Variants in ADAM23 observed in about 807,000 individuals in gnomAD.
ADAM23 encodes the protein disintegrin and metalloproteinase domain-containing protein 23.
A neutral mutation model predicts 120.1 loss-of-function variants in ADAM23; 33 were observed. The ratio of observed to expected loss-of-function variants is 0.27; its 90% confidence interval spans 0.21 to 0.37. The LOEUF is 0.37. Ranked by LOEUF, ADAM23 falls within the 10% of genes least tolerant of loss-of-function variation. The pLI, the probability that ADAM23 is intolerant of heterozygous loss-of-function variation, is 1.00. For missense variants in ADAM23, 862 were observed against 1,058.2 expected (o/e 0.81, Z 2.57); for synonymous variants, 367 against 375.2 (o/e 0.98, Z 0.25).
chr2:206,592,873 C>T, intron 22 of ADAM23, 137 bp downstream of exon 22: 2 of 1,100,576 alleles, frequency 1.8e-6, no homozygotes, highest in African/African-American at 1.6e-5. Flanking sequence ...TTATTATCAC[C>T]TTTCATATTG....
At chr2:206,501,219 C>G (rs771905959) in intron 3 of ADAM23, among the ~76,000 whole-genome samples, 4 of 152,122 alleles carry the variant, frequency 2.6e-5, no homozygotes, top group Non-Finnish European at 5.9e-5. Flanking sequence ...GTCCTGCAAT[C>G]TAACTCCCTA....
chr2:206,520,984 A>G (rs1301443804), intron 3 of ADAM23, among the ~76,000 whole-genome samples: 1 of 151,938 alleles, frequency 6.6e-6, no homozygotes, highest in Admixed American at 6.6e-5. Flanking sequence ...GGATTTGTAC[A>G]CAGTGGTCCC....
At chr2:206,558,195 AT>A (rs1456540051) in intron 10 of ADAM23, among the ~76,000 whole-genome samples, 1 of 152,200 alleles carries the variant, frequency 6.6e-6, no homozygotes, top group African/African-American at 2.4e-5. Context: ...AACATTATAT[AT>A]TATGTTCCAA....
In ADAM23 at chr2:206,570,725, C is replaced by G. The variant is rs762459835; in HGVS notation, c.1495-15C>G. 1.9e-6 allele frequency: 3 copies of G among 1,610,560 alleles called. No individual in the cohort carries two copies. On this transcript the variant is annotated splice_polypyrimidine_tract_variant and intron_variant, in intron 15 of 25. Transcript: ENST00000264377. ...AAATTGAAACATTTTTCCCTTCTGT[C>G]CCTAATCTCTTTAGCTATTTGAGCC... is the stretch of plus-strand genomic sequence containing the variant.
intron 15 of ADAM23, among the ~76,000 whole-genome samples, chr2:206,568,252 C>T (rs919305754): frequency 1.3e-5 from 2 of 152,032 alleles, no homozygotes; most frequent in African/African-American, 2.4e-5. Flanking sequence ...TGTCTCTTTA[C>T]CTGGAGAGGG....
chr2:206,536,141 A>C (rs560042821), intron 4 of ADAM23, among the ~76,000 whole-genome samples: 1 of 152,322 alleles, frequency 6.6e-6, no homozygotes, highest in Non-Finnish European at 1.5e-5. Flanking sequence ...ACTGTATAGC[A>C]TAATGTCCTT....
chr2:206,564,634 A>T (rs1231406096), intron 13 of ADAM23, among the ~76,000 whole-genome samples: 2 of 152,190 alleles, frequency 1.3e-5, no homozygotes, highest in African/African-American at 4.8e-5. Flanking sequence ...GACCCAGGAA[A>T]TGCTAAGTTA....
chr2:206,564,342 G>T (rs1697835460), intron 13 of ADAM23, among the ~76,000 whole-genome samples: 1 of 152,176 alleles, frequency 6.6e-6, no homozygotes, highest in South Asian at 2.1e-4. Context: ...GTTTTTAAGT[G>T]ATTATGTACA....
chr2:206,567,953 G>A (rs1466497917), intron 15 of ADAM23, among the ~76,000 whole-genome samples: 1 of 152,086 alleles, frequency 6.6e-6, no homozygotes. Flanking sequence ...ATCAGCTCTA[G>A]TGAGACTCAC....
intron 9 of ADAM23, among the ~76,000 whole-genome samples, chr2:206,556,391 C>T (rs1697643284): frequency 6.6e-6 from 1 of 152,062 alleles, no homozygotes; most frequent in Non-Finnish European, 1.5e-5. Flanking sequence ...AAAGAATTTT[C>T]TAATGTAGAA....
At chr2:206,488,507 C>A (rs1448182217) in intron 3 of ADAM23, among the ~76,000 whole-genome samples, 1 of 152,174 alleles carries the variant, frequency 6.6e-6, no homozygotes, top group Non-Finnish European at 1.5e-5. Flanking sequence ...AAGCTGTTTA[C>A]TCCTCTGGGC....
intron 3 of ADAM23, among the ~76,000 whole-genome samples, chr2:206,523,978 GTC>G (rs1696896284): frequency 6.6e-6 from 1 of 152,110 alleles, no homozygotes; most frequent in Non-Finnish European, 1.5e-5. Context: ...AGCATTGGTT[GTC>G]ATTAAATGAA....
chr2:206,513,174 G>T (rs986690659), intron 3 of ADAM23, among the ~76,000 whole-genome samples: 1 of 152,176 alleles, frequency 6.6e-6, no homozygotes, highest in Non-Finnish European at 1.5e-5. Context: ...TCTCTCACTT[G>T]AAATTAAAAG....
At chr2:206,584,713 T>C (rs981518271) in intron 18 of ADAM23, among the ~76,000 whole-genome samples, 2 of 152,134 alleles carry the variant, frequency 1.3e-5, no homozygotes, top group African/African-American at 4.8e-5. Context: ...GCCTGTGAAG[T>C]CTGCACACCC....
At chr2:206,518,093 G>A (rs1696770247) in intron 3 of ADAM23, among the ~76,000 whole-genome samples, 1 of 152,144 alleles carries the variant, frequency 6.6e-6, no homozygotes, top group South Asian at 2.1e-4. Context: ...TTGTCTGGCT[G>A]CAGGAAAAAT....
chr2:206,589,825 TCTA>T lies in ADAM23; in HGVS notation c.1958+314_1958+316del, dbSNP rs527666248. 1.8e-3 allele frequency among the ~76,000 whole-genome samples: 274 copies of T among 152,334 alleles called. 3 individuals carry two copies. The highest frequency in any genetic ancestry group is 6.8e-3 in the Middle Eastern group (2 of 294). ...ACAAATTAATACTAGCTTTTAATTT[TCTA>T]CTTTTACTAGAATATATGGCCTATG... On this transcript the variant is annotated intron_variant, in intron 21 of 25. Transcript: ENST00000264377.
At chr2:206,600,516 C>A (rs1013806378) in intron 24 of ADAM23, among the ~76,000 whole-genome samples, 2 of 152,072 alleles carry the variant, frequency 1.3e-5, no homozygotes, top group African/African-American at 4.8e-5. Context: ...AAATTGTACC[C>A]AACTGCCCTT....
intron 2 of ADAM23, among the ~76,000 whole-genome samples, chr2:206,470,234 A>C (rs1402271791): frequency 6.6e-6 from 1 of 152,172 alleles, no homozygotes; most frequent in East Asian, 1.9e-4. Context: ...TATATTCCTC[A>C]GATACATAAT....
At position 206,588,112 on chromosome 2, in the gene ADAM23, T is replaced by G; in HGVS notation, c.1810T>G (p.Cys604Gly). 6.2e-7 allele frequency: 1 copy of G among 1,614,052 alleles called. No homozygotes were observed. The change falls in exon 20 of 26, where the codon TGC becomes GGC. Residue 604 changes from cysteine to glycine, a missense_variant. Cys to Gly is a radical substitution (Grantham distance 159). Around this residue, in one of 4 missense-constraint regions of ADAM23, gnomAD observed 617 missense variants for 813.5 expected, o/e 0.76. Coordinates refer to ENST00000264377, the MANE Select transcript of ADAM23 (RefSeq NM_003812.4). ...CCAGGGCCGCTGCTACAATGGCGAG[T>G]GCAAGACCAGAGACAACCAGTGTCA... ...QNQGRCYNGE[C>G]KTRDNQCQYI...
Sources: gnomAD v4.1 joint callset for allele counts (sites outside exome capture counted in the v4.1 genomes callset) on GRCh38, gnomAD v4.1.1 for gene constraint, gnomAD v4.1.1 regional missense constraint, MANE v1.5 for transcripts, NCBI Gene and HGNC (gene_info 2026-07-23, HGNC 2026-07-21) for gene names.